PCDHGA7: variants seen among roughly 807,000 people sequenced by gnomAD.
PCDHGA7 encodes protocadherin gamma-A7.
A neutral mutation model predicts 58.3 loss-of-function variants in PCDHGA7; 44 were observed. That is an observed-to-expected ratio of 0.75 (90% CI 0.59 to 0.97). PCDHGA7 has a LOEUF of 0.97. Among genes scored for constraint, PCDHGA7 ranks in the 50% least tolerant of loss-of-function variants. PCDHGA7 has a pLI of 0.00. For missense variants in PCDHGA7, 1,266 were observed against 1,188.7 expected, an observed-to-expected ratio of 1.06 and a Z score of -0.96; for synonymous variants, 516 against 504.2, an observed-to-expected ratio of 1.02 and a Z score of -0.31.
At chr5:141,437,529 C>T (rs1205365959) in intron 1 of PCDHGA7, among the ~76,000 whole-genome samples, 1 of 152,102 alleles carries the variant, frequency 6.6e-6, no homozygotes, top group African/African-American at 2.4e-5. Flanking sequence ...GACAAATGAG[C>T]AAATTGTATC....
At position 141,430,917 on chromosome 5, in the gene PCDHGA7, G is replaced by A. The variant is rs2097324810; in HGVS notation, c.2424+45594G>A. ...GTGGGCGACATCTCCAGGGACCTGG[G>A]GCTGGAGCCCCGGGAGCTCGCGGAG... On this transcript the variant is annotated intron_variant, in intron 1 of 3. Coordinates refer to ENST00000518325, the MANE Select transcript of PCDHGA7 (RefSeq NM_018920.4). The A allele has an allele frequency of 1.9e-6, 3 of 1,607,956 alleles. No individual in the cohort carries two copies. The highest frequency in any genetic ancestry group is 2.5e-6 in the Non-Finnish European group (3 of 1,177,520).
Position 141,486,998 on chromosome 5 carries a change from C to G in PCDHGA7, c.2425-7809C>G, listed in dbSNP as rs754609128. On this transcript the variant is annotated intron_variant, in intron 1 of 3. Coordinates refer to ENST00000518325, the MANE Select transcript of PCDHGA7 (RefSeq NM_018920.4). The surrounding 1 kb of genome is among the most constrained non-coding windows in gnomAD (Gnocchi z 5.0). ...AGGTTACAATGCTTGGGTTTCCTAT[C>G]AGCTCCTGGAGGCCCCAGATCCCAG... The G allele has an allele frequency of 6.2e-7, 1 of 1,614,206 alleles. No homozygotes were observed. Among genetic ancestry groups the G allele is most frequent in the Non-Finnish European group, 8.5e-7 (1 of 1,180,034 alleles).
At chr5:141,401,159 T>G (rs2094122338) in intron 1 of PCDHGA7, among the ~76,000 whole-genome samples, 1 of 152,076 alleles carries the variant, frequency 6.6e-6, no homozygotes, top group Admixed American at 6.6e-5. Context: ...CTGGGCAATA[T>G]GGTGAAAACC....
At chr5:141,419,052 C>A (rs1017300472) in intron 1 of PCDHGA7, 6 of 1,613,948 alleles carry the variant, frequency 3.7e-6, no homozygotes, top group East Asian at 2.2e-5. Context: ...CATTCTTCTT[C>A]TAATAATTAC....
chr5:141,475,935 C>CCCGT, intron 1 of PCDHGA7: 1 of 669,050 alleles, frequency 1.5e-6, no homozygotes, highest in Middle Eastern at 4.2e-4. Flanking sequence ...CGGGCCCCTG[C>CCCGT]CCGTCCCCTT....
intron 1 of PCDHGA7, chr5:141,398,805 T>C: frequency 1.2e-6 from 2 of 1,613,964 alleles, no homozygotes; most frequent in Non-Finnish European, 1.7e-6. Flanking sequence ...GCGGCACCAC[T>C]GAGCTCCGGA....
At chr5:141,481,913 C>CAAAAAA (rs34114744) in intron 1 of PCDHGA7, among the ~76,000 whole-genome samples, 2 of 90,846 alleles carry the variant, frequency 2.2e-5, no homozygotes, top group Non-Finnish European at 4.4e-5. Flanking sequence ...AACTCCATCT[C>CAAAAAA]AAAAAAAAAA....
At chr5:141,394,596 G>A (rs1485546922) in intron 1 of PCDHGA7, 2 of 1,613,702 alleles carry the variant, frequency 1.2e-6, no homozygotes, top group Non-Finnish European at 1.7e-6. Flanking sequence ...GGTGGCGGTG[G>A]ACAGAGACTC....
Position 141,486,657 on chromosome 5 carries a change from T to C in PCDHGA7, c.2425-8150T>C. Reference sequence around the variant, plus strand: ...AATGCGCTTATCTCCTACTCACTCCTGGAGCCCAGGAATCGAGATGTATCA... The same window carrying C: ...AATGCGCTTATCTCCTACTCACTCCCGGAGCCCAGGAATCGAGATGTATCA... On this transcript the variant is annotated intron_variant, in intron 1 of 3. Transcript: ENST00000518325. The surrounding 1 kb of genome is among the most constrained non-coding windows in gnomAD (Gnocchi z 5.0). The C allele has an allele frequency of 6.2e-7, 1 of 1,614,010 alleles. No individual in the cohort carries two copies. Among genetic ancestry groups the C allele is most frequent in the Non-Finnish European group, 8.5e-7 (1 of 1,180,030 alleles).
chr5:141,459,981 G>C (rs1023972964), intron 1 of PCDHGA7, among the ~76,000 whole-genome samples: 7 of 152,330 alleles, frequency 4.6e-5, no homozygotes, highest in Admixed American at 1.3e-4. Context: ...AGGAGGCTGA[G>C]ACAGGAGAAT....
chr5:141,422,842 G>A (rs756990417), intron 1 of PCDHGA7: 5 of 1,614,228 alleles, frequency 3.1e-6, no homozygotes, highest in South Asian at 1.1e-5. Flanking sequence ...ACGTGACAGC[G>A]GGGACCCGCC....
rs756330109 is a variant in PCDHGA7, at chr5:141,432,621, T to A, written c.2424+47298T>A. ...GAGCCGGGACTCTTCTCGGTGGGTC[T>A]GCACACGGGCGAGGTGCGCACGGCG... On this transcript the variant is annotated intron_variant, in intron 1 of 3. Transcript: ENST00000518325. This position sits in a 1 kb window ranked among gnomAD's most constrained non-coding sequence, Gnocchi z 6.0. The A allele has an allele frequency of 3.1e-6, 5 of 1,612,942 alleles. No homozygotes were observed. Among genetic ancestry groups the A allele is most frequent in the Admixed American group, 1.7e-5 (1 of 59,962 alleles).
intron 1 of PCDHGA7, chr5:141,389,052 T>C (rs769661783): frequency 9.5e-5 from 153 of 1,613,794 alleles, no homozygotes; most frequent in Non-Finnish European, 8.5e-5. Flanking sequence ...TGATGTTCCA[T>C]TTAAAATATT....
Position 141,432,026 on chromosome 5 carries a change from A to G in PCDHGA7, c.2424+46703A>G, listed in dbSNP as rs1591124077. On this transcript the variant is annotated intron_variant, in intron 1 of 3. Coordinates refer to ENST00000518325, the MANE Select transcript of PCDHGA7 (RefSeq NM_018920.4). The surrounding 1 kb of genome is among the most constrained non-coding windows in gnomAD (Gnocchi z 6.0). ...GGTTCCTAGCTACAACATCACAGTG[A>G]CCGCCACTGACCGGGGAACCCCGCC... The G allele has an allele frequency of 1.9e-6, 3 of 1,614,152 alleles. 1 individual carries two copies. Among genetic ancestry groups the G allele is most frequent in the Middle Eastern group, 3.3e-4 (2 of 6,062 alleles).
intron 1 of PCDHGA7, chr5:141,410,849 CTTTTTTTT>C (rs759346998): frequency 2.0e-4 from 27 of 138,178 alleles, no homozygotes; most frequent in Middle Eastern, 4.3e-3. Context: ...TTGTCTTTGT[CTTTTTTTT>C]TTTTTTTTTT....
chr5:141,383,303 C>A lies in PCDHGA7; in HGVS notation c.404C>A (p.Thr135Lys), dbSNP rs1445366017. ...AATGACAACGTTCCAAGATTCTTGA[C>A]GGAAGAAATAAATGTAAAAATAATG... ...DINDNVPRFLTEEINVKIMEN... is the reference protein window; with the variant it reads ...DINDNVPRFLKEEINVKIMEN... The change falls in exon 1 of 4, where the codon ACG (threonine) becomes AAG (lysine). Residue 135 changes from threonine to lysine, a missense_variant. Thr to Lys is a moderately conservative substitution (Grantham distance 78). Transcript: ENST00000518325. 8 of 1,613,892 alleles carry A rather than the reference C, an allele frequency of 5.0e-6. No individual in the cohort carries two copies. The highest frequency in any genetic ancestry group is 6.8e-6 in the Non-Finnish European group (8 of 1,179,882).
At chr5:141,395,222 AG>A (rs2093199234) in intron 1 of PCDHGA7, 1 of 1,611,488 alleles carries the variant, frequency 6.2e-7, no homozygotes, top group African/African-American at 1.3e-5. Context: ...ATAAGAATGA[AG>A]CTGATCATGG....
In PCDHGA7 at chr5:141,476,737, G is replaced by A. The variant is rs1420138912; in HGVS notation, c.2425-18070G>A. ...AGCGCGCCCTGGACCGAGAACGGGA[G>A]CCTAGTCTCCAGTTAGTGCTGACGG... is the stretch of plus-strand genomic sequence containing the variant. On this transcript the variant is annotated intron_variant, in intron 1 of 3. Coordinates refer to ENST00000518325, the MANE Select transcript of PCDHGA7 (RefSeq NM_018920.4). This position sits in a 1 kb window ranked among gnomAD's most constrained non-coding sequence, Gnocchi z 7.6. The A allele has an allele frequency of 3.1e-6, 5 of 1,613,982 alleles. No individual in the cohort carries two copies. Among genetic ancestry groups the A allele is most frequent in the Non-Finnish European group, 4.2e-6 (5 of 1,180,038 alleles).
intron 2 of PCDHGA7, among the ~76,000 whole-genome samples, chr5:141,504,579 G>T (rs994771989): frequency 2.0e-5 from 3 of 149,174 alleles, no homozygotes; most frequent in Non-Finnish European, 4.4e-5. Context: ...AACACCATCT[G>T]CCCAGGATTC....
Sources: allele counts gnomAD v4.1 joint callset (sites outside exome capture counted in the v4.1 genomes callset), GRCh38; gene constraint gnomAD v4.1.1; non-coding constraint Gnocchi (gnomAD v3.1); transcripts MANE v1.5; gene names NCBI Gene and HGNC (gene_info 2026-07-23, HGNC 2026-07-21).